Variants in GUCY1A2 observed in about 807,000 individuals in gnomAD.
The protein encoded by GUCY1A2 is guanylate cyclase 1 soluble subunit alpha 2, also known as guanylate cyclase soluble subunit alpha-2.
Under a neutral mutation model 63.5 loss-of-function variants are expected in GUCY1A2, and 27 were observed. The ratio of observed to expected loss-of-function variants is 0.43; its 90% CI spans 0.31 to 0.59. The LOEUF is 0.59. Among genes scored for constraint, GUCY1A2 ranks in the 20% least tolerant of loss-of-function variants. The pLI is 0.11. For missense variants in GUCY1A2, 768 were observed against 913.3 expected, an observed-to-expected ratio of 0.84 and a Z score of 2.05; for synonymous variants, 364 against 343.5, an observed-to-expected ratio of 1.06 and a Z score of -0.66.
chr11:106,866,893 C>G (rs1288940584), intron 4 of GUCY1A2, among the ~76,000 whole-genome samples: 1 of 151,958 alleles, frequency 6.6e-6, no homozygotes, highest in Non-Finnish European at 1.5e-5. Context: ...ACTAGTAAAA[C>G]CTTTTCTAAT....
At chr11:106,709,521 TATAATAATAATATA>T (rs1863014975) in intron 6 of GUCY1A2, among the ~76,000 whole-genome samples, 1 of 52,758 alleles carries the variant, frequency 1.9e-5, no homozygotes, top group African/African-American at 1.3e-4. Flanking sequence ...ATTCTATAAA[TATAATAATAATATA>T]ATATATTATA....
intron 7 of GUCY1A2, 23 bp downstream of exon 7, chr11:106,708,489 G>A (rs754854201): frequency 1.4e-5 from 23 of 1,594,430 alleles, no homozygotes; most frequent in Non-Finnish European, 1.9e-5. Flanking sequence ...AAGACAGGAA[G>A]GAGGAGGCCA....
In GUCY1A2 at chr11:106,680,895, C is replaced by G. The variant is rs985430777; in HGVS notation, c.*6654G>C. On this transcript the variant is annotated 3_prime_UTR_variant, in exon 8 of 8. Coordinates refer to ENST00000526355, the MANE Select transcript of GUCY1A2 (RefSeq NM_000855.3). ...CTTATTTAGATGCTTAGGAATGAAT[C>G]CTAAGCTTATATGCTAAATCATAAT... 4 of 203,768 alleles carry G rather than the reference C, an allele frequency of 2.0e-5. No individual in the cohort carries two copies. Among genetic ancestry groups the G allele is most frequent in the Non-Finnish European group, 4.0e-5 (4 of 99,356 alleles). 12.6% of individuals were successfully genotyped at this position (203,768 alleles called of 1,614,324 possible).
chr11:106,791,178 C>T (rs921697166), intron 5 of GUCY1A2, among the ~76,000 whole-genome samples: 1 of 152,204 alleles, frequency 6.6e-6, no homozygotes, highest in Non-Finnish European at 1.5e-5. Context: ...TTCCCCTCTG[C>T]CTAGGGCTGG....
intron 3 of GUCY1A2, among the ~76,000 whole-genome samples, chr11:106,974,219 G>T (rs755226562): frequency 2.0e-5 from 3 of 151,970 alleles, no homozygotes; most frequent in Non-Finnish European, 4.4e-5. Context: ...ATAGTAACAA[G>T]AACTATAATG....
intron 4 of GUCY1A2, among the ~76,000 whole-genome samples, chr11:106,847,025 A>C (rs1180660096): frequency 6.6e-6 from 1 of 151,360 alleles, no homozygotes; most frequent in African/African-American, 2.4e-5. Flanking sequence ...TGAAGGGGAA[A>C]ATGTAACCCA....
At chr11:106,883,505 T>C (rs953297275) in intron 4 of GUCY1A2, among the ~76,000 whole-genome samples, 10 of 152,136 alleles carry the variant, frequency 6.6e-5, no homozygotes, top group African/African-American at 9.7e-5. Flanking sequence ...GAGCTTACTA[T>C]GTAATGTGTA....
chr11:106,761,517 A>G (rs1864065882), intron 6 of GUCY1A2, among the ~76,000 whole-genome samples: 1 of 152,214 alleles, frequency 6.6e-6, no homozygotes, highest in Admixed American at 6.5e-5. Context: ...ATTTGGCTCT[A>G]GAATCTGGCA....
At chr11:106,740,667 T>TATGTATGC (rs952994213) in intron 6 of GUCY1A2, among the ~76,000 whole-genome samples, 1 of 93,096 alleles carries the variant, frequency 1.1e-5, no homozygotes, top group Non-Finnish European at 2.9e-5. Flanking sequence ...TGTATGTATG[T>TATGTATGC]ATGTATGTAT....
chr11:106,759,786 T>G (rs575424150), intron 6 of GUCY1A2, among the ~76,000 whole-genome samples: 7 of 152,092 alleles, frequency 4.6e-5, no homozygotes, highest in Non-Finnish European at 1.0e-4. Context: ...ATACCAAAAA[T>G]TAGCCAGTCG....
chr11:106,732,255 C>T (rs1863518220), intron 6 of GUCY1A2, among the ~76,000 whole-genome samples: 1 of 151,906 alleles, frequency 6.6e-6, no homozygotes, highest in Non-Finnish European at 1.5e-5. Context: ...TTGACAAAGT[C>T]GACAGAAACA....
chr11:106,744,838 T>A (rs1468014922), intron 6 of GUCY1A2, among the ~76,000 whole-genome samples: 2 of 152,182 alleles, frequency 1.3e-5, no homozygotes, highest in African/African-American at 2.4e-5. Context: ...TGGGTACTCA[T>A]GTTGTCAACA....
At chr11:106,898,156 A>C (rs1338689139) in intron 4 of GUCY1A2, among the ~76,000 whole-genome samples, 2 of 152,172 alleles carry the variant, frequency 1.3e-5, no homozygotes, top group African/African-American at 4.8e-5. Flanking sequence ...ACCACTACAC[A>C]CCTATGAGAA....
chr11:106,823,025 A>G (rs117879327), intron 4 of GUCY1A2, among the ~76,000 whole-genome samples: 1,962 of 152,258 alleles, frequency 0.013, 28 homozygotes, highest in South Asian at 0.049. Flanking sequence ...GTCAAGTGCT[A>G]TGAGATCAGA....
At chr11:106,754,297 GCAAA>G (rs1484094089) in intron 6 of GUCY1A2, among the ~76,000 whole-genome samples, 9 of 152,276 alleles carry the variant, frequency 5.9e-5, no homozygotes, top group African/African-American at 2.2e-4. Context: ...CATGTCATCT[GCAAA>G]CAGAGACAAT....
intron 4 of GUCY1A2, among the ~76,000 whole-genome samples, chr11:106,856,105 A>ATTTT (rs142419502): frequency 6.8e-6 from 1 of 146,084 alleles, no homozygotes; most frequent in Non-Finnish European, 1.5e-5. Flanking sequence ...TTTTTTTTGT[A>ATTTT]TTTTTTTTTT....
chr11:106,918,895 A>C (rs760652998), intron 4 of GUCY1A2, among the ~76,000 whole-genome samples: 18 of 152,324 alleles, frequency 1.2e-4, no homozygotes, highest in African/African-American at 2.2e-4. Context: ...ATACAACTTC[A>C]AAGTGGGCAA....
chr11:106,894,990 A>C (rs1860026730), intron 4 of GUCY1A2, among the ~76,000 whole-genome samples: 1 of 152,200 alleles, frequency 6.6e-6, no homozygotes, highest in Admixed American at 6.5e-5. Context: ...AGGTTAATAA[A>C]ACTAATAAGC....
intron 4 of GUCY1A2, among the ~76,000 whole-genome samples, chr11:106,885,632 C>T (rs909836437): frequency 4.6e-5 from 7 of 152,114 alleles, no homozygotes; most frequent in African/African-American, 1.4e-4. Context: ...GTTTCAATAT[C>T]GAACCACATA....
Sources: allele counts gnomAD v4.1 joint callset (sites outside exome capture counted in the v4.1 genomes callset), GRCh38; gene constraint gnomAD v4.1.1; transcripts MANE v1.5; gene names NCBI Gene and HGNC (gene_info 2026-07-23, HGNC 2026-07-21).